CACNG7: variants seen among roughly 807,000 people sequenced by gnomAD.
CACNG7 encodes the protein voltage-dependent calcium channel gamma-7 subunit.
A neutral mutation model predicts 26.3 loss-of-function variants in CACNG7; 9 were observed. The observed-to-expected ratio is 0.34, with a 90% CI of 0.21 to 0.60. The LOEUF is 0.60. Among genes scored for constraint, CACNG7 ranks in the 20% least tolerant of loss-of-function variants. The pLI, the probability that CACNG7 is intolerant of heterozygous loss-of-function variation, is 0.81. For synonymous variants in CACNG7, 170 were observed against 157.0 expected (o/e 1.08, Z -0.62); for missense variants, 297 against 380.4 (o/e 0.78, Z 1.82).
In CACNG7 at chr19:53,909,868, A is replaced by G. The variant is rs1330977212; in HGVS notation, c.-30+351A>G. Among the ~76,000 whole-genome samples, 1 of 152,122 alleles carries G rather than the reference A, an allele frequency of 6.6e-6. No homozygotes were observed. Among genetic ancestry groups the G allele is most frequent in the Non-Finnish European group, 1.5e-5 (1 of 68,024 alleles). On this transcript the variant is annotated intron_variant, in intron 1 of 5. Coordinates refer to ENST00000391767, the MANE Select transcript of CACNG7 (RefSeq NM_031896.5). This position sits in a 1 kb window ranked among gnomAD's most constrained non-coding sequence, Gnocchi z 5.1. Reference sequence around the variant, plus strand: ...GGATGTGGGTCTGGAAAGGGGTCCCAGAAAGGGGGAGTTACGGTCTCCCGA... The same window carrying G: ...GGATGTGGGTCTGGAAAGGGGTCCCGGAAAGGGGGAGTTACGGTCTCCCGA...
chr19:53,921,447 C>T (rs1371563283), intron 4 of CACNG7, among the ~76,000 whole-genome samples: 1 of 151,068 alleles, frequency 6.6e-6, no homozygotes, highest in Non-Finnish European at 1.5e-5. Context: ...GTGGAGTTGC[C>T]CCAGGTCTGG....
chr19:53,912,652 G>T lies in CACNG7; in HGVS notation c.-29-151G>T. 1 of 608,612 alleles carries T rather than the reference G, an allele frequency of 1.6e-6. No individual in the cohort carries two copies. The highest frequency in any genetic ancestry group is 1.8e-5 in the African/African-American group (1 of 54,202). 37.7% of individuals were successfully genotyped at this position (608,612 alleles called of 1,614,324 possible). A position where few individuals can be genotyped will look rare whatever the true frequency, so the allele number is the denominator to read the frequency against. ...GTGTCTCTGGTCAGACTCTAGGGTT[G>T]GGGTCATGGGTCAGGCCACGGAGGT... is the stretch of plus-strand genomic sequence containing the variant. On this transcript the variant is annotated intron_variant, in intron 1 of 5. Transcript: ENST00000391767. This position sits in a 1 kb window ranked among gnomAD's most constrained non-coding sequence, Gnocchi z 4.6.
rs759595229 is a variant in CACNG7 at position 53,942,312 on chromosome 19, C to A, written c.*19C>A. 2.5e-6 allele frequency: 4 copies of A among 1,586,138 alleles called. No homozygotes were observed. The South Asian group carries it at 3.3e-5, about 13-fold the overall frequency. On this transcript the variant is annotated 3_prime_UTR_variant, in exon 6 of 6. Coordinates refer to ENST00000391767, the MANE Select transcript of CACNG7 (RefSeq NM_031896.5). This position sits in a 1 kb window ranked among gnomAD's most constrained non-coding sequence, Gnocchi z 5.9. ...CTGCTGAGGCCCGCCCCTCGGAGCT[C>A]CCCCTGCCTCCTCCTCCTCCTCGTC...
chr19:53,939,084 C>A lies in CACNG7; in HGVS notation c.425-2386C>A, dbSNP rs559741803. Reference sequence around the variant, plus strand: ...CCAGCCTGGTCAACATTGTGAAGCCCTGTCTCTACTAAAAATACAAAAATT... The same window carrying A: ...CCAGCCTGGTCAACATTGTGAAGCCATGTCTCTACTAAAAATACAAAAATT... On this transcript the variant is annotated intron_variant, in intron 4 of 5. Transcript: ENST00000391767. The surrounding 1 kb of genome is among the most constrained non-coding windows in gnomAD (Gnocchi z 4.2). 1.3e-5 allele frequency among the ~76,000 whole-genome samples: 2 copies of A among 152,178 alleles called. No homozygotes were observed. Among genetic ancestry groups the A allele is most frequent in the Non-Finnish European group, 2.9e-5 (2 of 68,046 alleles).
chr19:53,921,482 T>G lies in CACNG7; in HGVS notation c.424+5977T>G, dbSNP rs1235130255. Among the ~76,000 whole-genome samples the G allele has an allele frequency of 2.0e-5, 3 of 148,602 alleles. No homozygotes were observed. The East Asian group carries it at 6.1e-4, about 30-fold the overall frequency. Reference sequence around the variant, plus strand: ...GTATTGCTGGAGTTGTCCCCAGGCCTGGTCATTGGTGGAGTTGCCCCAGGT... The same window carrying G: ...GTATTGCTGGAGTTGTCCCCAGGCCGGGTCATTGGTGGAGTTGCCCCAGGT... On this transcript the variant is annotated intron_variant, in intron 4 of 5. Transcript: ENST00000391767.
intron 4 of CACNG7, among the ~76,000 whole-genome samples, chr19:53,917,830 G>A (rs2068908598): frequency 6.6e-6 from 1 of 152,184 alleles, no homozygotes; most frequent in Non-Finnish European, 1.5e-5. Flanking sequence ...GCTCGAAGAG[G>A]CGACATAGCT....
chr19:53,913,040 C>CTA lies in CACNG7; in HGVS notation c.196+13_196+14insTA, dbSNP rs758861033. ...TGCTTCTTTGCAGGTACAGCCCTCA[C>CTA]CCGTCTTCCACTCAACAGTTTCTGC... On this transcript the variant is annotated intron_variant, in intron 2 of 5. Transcript: ENST00000391767. The CTA allele has an allele frequency of 6.2e-7, 1 of 1,601,776 alleles. No individual in the cohort carries two copies. The highest frequency in any genetic ancestry group is 2.2e-5 in the East Asian group (1 of 44,554).
At chr19:53,931,007 G>A (rs1038006055) in intron 4 of CACNG7, among the ~76,000 whole-genome samples, 13 of 151,466 alleles carry the variant, frequency 8.6e-5, no homozygotes. Flanking sequence ...ACCAGCCTGG[G>A]CAACATGGTA....
At chr19:53,928,439 T>C (rs534654425) in intron 4 of CACNG7, among the ~76,000 whole-genome samples, 1 of 151,280 alleles carries the variant, frequency 6.6e-6, no homozygotes, top group Admixed American at 6.6e-5. Context: ...GCCTGGCTAA[T>C]TTTTTTTTGT....
intron 4 of CACNG7, among the ~76,000 whole-genome samples, chr19:53,924,464 G>C (rs550586562): frequency 6.7e-6 from 1 of 149,934 alleles, no homozygotes; most frequent in South Asian, 2.1e-4. Flanking sequence ...CTGGTCATTG[G>C]TGGAGTTGTC....
intron 4 of CACNG7, among the ~76,000 whole-genome samples, chr19:53,922,802 GT>G (rs1437154128): frequency 1.6e-5 from 1 of 60,660 alleles, no homozygotes; most frequent in Admixed American, 1.2e-4. Flanking sequence ...GTTGCCCCAG[GT>G]CTGGTCATTG....
At chr19:53,941,160 A>G (rs1414810362) in intron 4 of CACNG7, among the ~76,000 whole-genome samples, 1 of 152,128 alleles carries the variant, frequency 6.6e-6, no homozygotes, top group African/African-American at 2.4e-5. Context: ...CACTCCTTCC[A>G]GAGTCCCACA....
chr19:53,941,411 T>C, intron 4 of CACNG7, 59 bp from the exon 5 acceptor site: 1 of 1,474,380 alleles, frequency 6.8e-7, no homozygotes. Flanking sequence ...GAGGTGGGGC[T>C]GGGGCTGGGA....
chr19:53,916,955 G>A (rs2068902960), intron 4 of CACNG7, among the ~76,000 whole-genome samples: 1 of 152,028 alleles, frequency 6.6e-6, no homozygotes, highest in Non-Finnish European at 1.5e-5. Context: ...GTGCCACCAT[G>A]CCCAGCTAAT....
At chr19:53,915,622 C>A in intron 4 of CACNG7, 117 bp downstream of exon 4, 2 of 1,131,628 alleles carry the variant, frequency 1.8e-6, no homozygotes, top group East Asian at 2.5e-5. Flanking sequence ...CAGACCCTCT[C>A]TGAGCCCCAC....
At chr19:53,925,742 A>T (rs891286273) in intron 4 of CACNG7, among the ~76,000 whole-genome samples, 5 of 152,336 alleles carry the variant, frequency 3.3e-5, no homozygotes, top group Admixed American at 2.0e-4. Context: ...GACTAGAGGG[A>T]AAGAGACTGG....
chr19:53,916,645 C>G (rs1410095144), intron 4 of CACNG7, among the ~76,000 whole-genome samples: 1 of 148,040 alleles, frequency 6.8e-6, no homozygotes, highest in African/African-American at 2.5e-5. Flanking sequence ...TGTGCCACTA[C>G]GCCCGGCTAA....
chr19:53,930,178 T>G (rs2069061556), intron 4 of CACNG7, among the ~76,000 whole-genome samples: 1 of 149,438 alleles, frequency 6.7e-6, no homozygotes, highest in Non-Finnish European at 1.5e-5. Context: ...TGTTTTTCTC[T>G]CTATCTCTCT....
Position 53,942,605 on chromosome 19 carries a change from A to G in CACNG7, c.*312A>G, listed in dbSNP as rs1312853071. On this transcript the variant is annotated 3_prime_UTR_variant, in exon 6 of 6. Transcript: ENST00000391767. This position sits in a 1 kb window ranked among gnomAD's most constrained non-coding sequence, Gnocchi z 5.9. ...AAAATTAGCTCCTCCCTCGTTCTCC[A>G]CCTGCTCTGAGCTGGGAGCAGCCAG... 9 of 1,250,552 alleles carry G rather than the reference A, an allele frequency of 7.2e-6. No homozygotes were observed. Among genetic ancestry groups the G allele is most frequent in the Non-Finnish European group, 9.1e-6 (9 of 990,330 alleles). 77.5% of individuals were successfully genotyped at this position (1,250,552 alleles called of 1,614,324 possible).
Sources: gnomAD v4.1 joint callset for allele counts (sites outside exome capture counted in the v4.1 genomes callset) on GRCh38, gnomAD v4.1.1 for gene constraint, Gnocchi (gnomAD v3.1) non-coding constraint, MANE v1.5 for transcripts, NCBI Gene and HGNC (gene_info 2026-07-23, HGNC 2026-07-21) for gene names.